Variants in CENPP observed in about 807,000 individuals in gnomAD.
The protein encoded by CENPP is centromere protein P.
CENPP carries 24 observed loss-of-function variants against 35.6 expected under a neutral mutation model. That is an observed-to-expected ratio of 0.67 (90% confidence interval 0.49 to 0.95). The LOEUF (loss-of-function observed/expected upper bound fraction) is 0.95. Among genes scored for constraint, CENPP ranks in the 40% least tolerant of loss-of-function variants. The pLI is 0.00. For missense variants in CENPP, 332 were observed against 345.3 expected, an observed-to-expected ratio of 0.96 and a Z score of 0.31; for synonymous variants, 120 against 125.5, an observed-to-expected ratio of 0.96 and a Z score of 0.29.
At chr9:92,389,811 A>G (rs1174495241) in intron 5 of CENPP, 1 of 1,308,694 alleles carries the variant, frequency 7.6e-7, no homozygotes, top group Non-Finnish European at 1.1e-6. Flanking sequence ...TATCTATCAT[A>G]TCATCACTCA....
intron 5 of CENPP, among the ~76,000 whole-genome samples, chr9:92,578,590 A>C (rs906502307): frequency 2.6e-5 from 4 of 152,098 alleles, no homozygotes; most frequent in African/African-American, 7.2e-5. Flanking sequence ...TGGCTGCATA[A>C]ATGTCTTCTT....
In CENPP at chr9:92,614,576, A is replaced by G. The variant is rs529490764; in HGVS notation, c.*1427A>G. 2.2e-4 allele frequency: 34 copies of G among 152,814 alleles called. No homozygotes were observed. The South Asian group carries it at 6.8e-3, about 31-fold the overall frequency. The allele number at this position is 152,814 out of a possible 1,614,324, so 9.5% of individuals were successfully genotyped here. ...AAGAGTTGCCTTGATTCAAACAAGT[A>G]TAATTCTCAAGTTATCACAAAATTT... On this transcript the variant is annotated 3_prime_UTR_variant, in exon 8 of 8. Transcript: ENST00000375587.
intron 5 of CENPP, chr9:92,514,781 A>C (rs964668563): frequency 6.2e-7 from 1 of 1,613,842 alleles, no homozygotes; most frequent in South Asian, 1.1e-5. Context: ...GGGGATCGAG[A>C]GGGCATTCGG....
intron 5 of CENPP, among the ~76,000 whole-genome samples, chr9:92,398,794 G>A (rs977255269): frequency 2.0e-5 from 3 of 152,126 alleles, no homozygotes; most frequent in African/African-American, 7.2e-5. Context: ...AAGTTGGCCG[G>A]GAGTGGTGGC....
chr9:92,440,107 C>T (rs1375371392), intron 5 of CENPP, among the ~76,000 whole-genome samples: 2 of 152,266 alleles, frequency 1.3e-5, no homozygotes, highest in East Asian at 3.9e-4. Context: ...TAGTCCAGGA[C>T]ATGAATCATC....
intron 5 of CENPP, among the ~76,000 whole-genome samples, chr9:92,587,940 A>C (rs1369677933): frequency 6.6e-6 from 1 of 152,106 alleles, no homozygotes; most frequent in Non-Finnish European, 1.5e-5. Flanking sequence ...AGACTGGCCA[A>C]CATGGCGAAA....
At chr9:92,395,095 C>T (rs183795368) in intron 5 of CENPP, among the ~76,000 whole-genome samples, 98 of 152,028 alleles carry the variant, frequency 6.4e-4, no homozygotes, top group Non-Finnish European at 1.2e-3. Context: ...ACAACATATA[C>T]GATTTTTACA....
chr9:92,519,756 G>T (rs540613190), intron 5 of CENPP, among the ~76,000 whole-genome samples: 1 of 152,126 alleles, frequency 6.6e-6, no homozygotes, highest in Non-Finnish European at 1.5e-5. Context: ...AAATCTTTAT[G>T]ACCTCATATT....
intron 5 of CENPP, among the ~76,000 whole-genome samples, chr9:92,406,932 T>A (rs1843322936): frequency 6.6e-6 from 1 of 152,188 alleles, no homozygotes; most frequent in Non-Finnish European, 1.5e-5. Flanking sequence ...GAACCACTCT[T>A]ATTACATTTG....
At chr9:92,592,050 T>TA (rs573722360) in intron 5 of CENPP, among the ~76,000 whole-genome samples, 10 of 149,648 alleles carry the variant, frequency 6.7e-5, no homozygotes, top group Non-Finnish European at 7.4e-5. Flanking sequence ...ACTTAAAGTA[T>TA]AAAAAAAAAT....
At chr9:92,603,019 G>T (rs1850966542) in intron 5 of CENPP, among the ~76,000 whole-genome samples, 1 of 152,090 alleles carries the variant, frequency 6.6e-6, no homozygotes, top group African/African-American at 2.4e-5. Context: ...TCGATCTCTT[G>T]ACCTCGTGAT....
At chr9:92,567,393 T>TATATAG (rs1554688302) in intron 5 of CENPP, among the ~76,000 whole-genome samples, 69 of 124,918 alleles carry the variant, frequency 5.5e-4, no homozygotes, top group African/African-American at 7.4e-4. Context: ...TATATATATA[T>TATATAG]ATAGATATAT....
intron 5 of CENPP, among the ~76,000 whole-genome samples, chr9:92,581,784 C>T (rs1422130925): frequency 6.6e-6 from 1 of 152,152 alleles, no homozygotes; most frequent in African/African-American, 2.4e-5. Flanking sequence ...ATATGTCAAA[C>T]AGTGACTGTA....
chr9:92,543,502 A>AT (rs1849362460), intron 5 of CENPP, among the ~76,000 whole-genome samples: 1 of 128,400 alleles, frequency 7.8e-6, no homozygotes. Context: ...AAAAAAAAAG[A>AT]TTGCATTAGC....
intron 5 of CENPP, among the ~76,000 whole-genome samples, chr9:92,550,654 G>T (rs771523980): frequency 2.0e-5 from 3 of 152,062 alleles, no homozygotes; most frequent in African/African-American, 7.2e-5. Flanking sequence ...GGGATGTAAG[G>T]GTTGAGGCAA....
At chr9:92,514,585 ATT>A (rs1847566490) in intron 5 of CENPP, 1 of 1,526,828 alleles carries the variant, frequency 6.5e-7, no homozygotes, top group Admixed American at 2.1e-5. Context: ...GCTAAGAGTC[ATT>A]TACTTTTAAA....
At position 92,508,077 on chromosome 9, in the gene CENPP, T is replaced by C. The variant is rs185860012; in HGVS notation, c.565-103237T>C. Among the ~76,000 whole-genome samples, 640 of 152,206 alleles carry C rather than the reference T, an allele frequency of 4.2e-3. 10 individuals carry two copies. Among genetic ancestry groups the C allele is most frequent in the East Asian group, 2.5e-3 (13 of 5,142 alleles). On this transcript the variant is annotated intron_variant, in intron 5 of 7. Coordinates refer to ENST00000375587, the MANE Select transcript of CENPP (RefSeq NM_001012267.3). ...GAGTGAGGAGCCACCCCAAGAGAGA[T>C]GACGGGAGAGCAGTGGGCCACCTGC...
At chr9:92,602,090 A>G (rs1850936486) in intron 5 of CENPP, among the ~76,000 whole-genome samples, 1 of 152,212 alleles carries the variant, frequency 6.6e-6, no homozygotes, top group South Asian at 2.1e-4. Context: ...GGAAGACCTC[A>G]AAGAATGGTG....
rs144646695 is a variant in CENPP, at chr9:92,611,386, C to G, written c.637C>G (p.Arg213Gly). 3.7e-6 allele frequency: 6 copies of G among 1,612,766 alleles called. No individual in the cohort carries two copies. The highest frequency in any genetic ancestry group is 5.1e-6 in the Non-Finnish European group (6 of 1,179,844). Residue 213 changes from arginine to glycine, a missense_variant, in exon 6 of 8, where the codon CGG (arginine) becomes GGG (glycine). Coordinates refer to ENST00000375587, the MANE Select transcript of CENPP (RefSeq NM_001012267.3). Reference protein sequence around the residue: ...SCSMGIRSASRPGFELVIVWR... With the variant: ...SCSMGIRSASGPGFELVIVWR... ...CTCCATGGGGATCCGCAGCGCCAGC[C>G]GGCCAGGGTGAGCCTGCACAGGCCA...
Sources: allele counts gnomAD v4.1 joint callset (sites outside exome capture counted in the v4.1 genomes callset), GRCh38; gene constraint gnomAD v4.1.1; transcripts MANE v1.5; gene names NCBI Gene and HGNC (gene_info 2026-07-23, HGNC 2026-07-21).